PKHD1: variants seen among roughly 807,000 people sequenced by gnomAD.
PKHD1 encodes the protein PKHD1 ciliary IPT domain containing fibrocystin/polyductin, also known as fibrocystin.
A neutral mutation model predicts 412.0 loss-of-function variants in PKHD1; 291 were observed. The ratio of observed to expected loss-of-function variants is 0.71; its 90% CI spans 0.64 to 0.78. The LOEUF (loss-of-function observed/expected upper bound fraction) is 0.78, where lower values mean the gene tolerates loss of function less well. Among genes scored for constraint, PKHD1 ranks in the 30% least tolerant of loss-of-function variants. The probability of loss-of-function intolerance (pLI) is 0.00; values close to 1 mark genes in which losing one functional copy is unlikely to be tolerated. For synonymous variants in PKHD1, 1,777 were observed against 1,821.5 expected (o/e 0.98, Z 0.62); for missense variants, 4,825 against 4,950.7 (o/e 0.97, Z 0.76).
intron 52 of PKHD1, among the ~76,000 whole-genome samples, chr6:51,794,866 C>G (rs1179165898): frequency 1.3e-5 from 2 of 152,054 alleles, no homozygotes; most frequent in Non-Finnish European, 2.9e-5. Context: ...TCTTTCTGTT[C>G]CATTGGTCTA....
intron 42 of PKHD1, 105 bp downstream of exon 42, chr6:51,903,881 A>C (rs1368279143): frequency 3.2e-6 from 2 of 626,172 alleles, no homozygotes; most frequent in Non-Finnish European, 5.3e-6. Flanking sequence ...TTTAGTATGC[A>C]CAATAAACTT....
intron 35 of PKHD1, among the ~76,000 whole-genome samples, chr6:51,964,048 A>G (rs534764300): frequency 4.6e-5 from 7 of 152,188 alleles, no homozygotes; most frequent in South Asian, 2.1e-4. Flanking sequence ...CTAGCCCCAA[A>G]TAAACCCCAA....
intron 35 of PKHD1, among the ~76,000 whole-genome samples, chr6:51,989,935 A>AGAAGGAAG (rs1562072969): frequency 3.4e-4 from 8 of 23,324 alleles, no homozygotes; most frequent in African/African-American, 1.3e-3. Flanking sequence ...AAGGAAGGAA[A>AGAAGGAAG]GAAGGAAGGA....
At chr6:51,862,309 C>A (rs1279124929) in intron 48 of PKHD1, among the ~76,000 whole-genome samples, 6 of 152,128 alleles carry the variant, frequency 3.9e-5, no homozygotes, top group Non-Finnish European at 7.4e-5. Flanking sequence ...CCACTGCAAC[C>A]TTTTATTATT....
At chr6:51,863,766 A>C (rs1774590135) in intron 48 of PKHD1, among the ~76,000 whole-genome samples, 1 of 152,190 alleles carries the variant, frequency 6.6e-6, no homozygotes, top group African/African-American at 2.4e-5. Flanking sequence ...AGAAAAGCCG[A>C]ATGCTGTGGA....
intron 35 of PKHD1, among the ~76,000 whole-genome samples, chr6:51,998,026 G>A (rs1797901754): frequency 6.6e-6 from 1 of 152,196 alleles, no homozygotes; most frequent in Non-Finnish European, 1.5e-5. Flanking sequence ...GTTAAAAATG[G>A]TGTCATCAGT....
rs574963733 is a variant in PKHD1 at position 51,950,210 on chromosome 6, G to GAAAA, written c.5908+9656_5908+9659dup. Among the ~76,000 whole-genome samples the GAAAA allele has an allele frequency of 5.9e-3, 669 of 113,044 alleles. 10 individuals are homozygous for GAAAA. Among genetic ancestry groups the GAAAA allele is most frequent in the African/African-American group, 0.021 (597 of 27,854 alleles). 74.2% of individuals were successfully genotyped at this position (113,044 alleles called of 152,430 possible). A position where few individuals can be genotyped will look rare whatever the true frequency, so the allele number is the denominator to read the frequency against. ...ACTGCAGTCAAATGGGCAATATAGAGAAAAAAAAAAATATATATATATATA... is the reference window on the plus strand; with the variant it reads ...ACTGCAGTCAAATGGGCAATATAGAGAAAAAAAAAAAAAAATATATATATATATA... On this transcript the variant is annotated intron_variant, in intron 36 of 66. Coordinates refer to ENST00000371117, the MANE Select transcript of PKHD1 (RefSeq NM_138694.4).
intron 60 of PKHD1, among the ~76,000 whole-genome samples, chr6:51,692,340 CTT>C (rs963432935): frequency 6.6e-6 from 1 of 151,432 alleles, no homozygotes; most frequent in Non-Finnish European, 1.5e-5. Context: ...TATTTCCAAC[CTT>C]AATTGAGCCT....
At chr6:51,678,155 T>C (rs1776139692) in intron 60 of PKHD1, among the ~76,000 whole-genome samples, 1 of 152,146 alleles carries the variant, frequency 6.6e-6, no homozygotes, top group African/African-American at 2.4e-5. Flanking sequence ...GATCAGATTT[T>C]AAAGTCAGAG....
At position 51,748,117 on chromosome 6, in the gene PKHD1, T is replaced by C; in HGVS notation, c.9499A>G (p.Ile3167Val). 6.2e-7 allele frequency: 1 copy of C among 1,613,916 alleles called. No homozygotes were observed. Among genetic ancestry groups the C allele is most frequent in the Non-Finnish European group, 8.5e-7 (1 of 1,179,842 alleles). The change falls in exon 58 of 67, where the codon ATA becomes GTA. Residue 3167 changes from isoleucine to valine, a missense_variant. Coordinates refer to ENST00000371117, the MANE Select transcript of PKHD1 (RefSeq NM_138694.4). ...TTGTCTACCAGAGTAATGTTCTCTA[T>C]CTCCACGCTGTTCTCTACATGTAAC... ...AMLHVENSVEIENITLVDNTI... is the reference protein window; with the variant it reads ...AMLHVENSVEVENITLVDNTI...
chr6:51,975,626 T>TAAAAAAAAAAAAAAA (rs750698580), intron 35 of PKHD1: 13 of 128,440 alleles, frequency 1.0e-4, no homozygotes, highest in Non-Finnish European at 1.1e-4. Flanking sequence ...CTATCAGCCA[T>TAAAAAAAAAAAAAAA]AAAAAAAAAA....
rs7744463 is a variant in PKHD1, at chr6:51,721,035, T to C, written c.10156+23350A>G. 1,120 of 982,614 alleles carry C rather than the reference T, an allele frequency of 1.1e-3. 8 individuals carry two copies. In the African/African-American group the frequency reaches 0.017, roughly 15 times the overall value. The allele number at this position is 982,614 out of a possible 1,614,324, so 60.9% of individuals were successfully genotyped here. ...ATGATAACATGGGTAAGGGAAGTAT[T>C]TGAGGGTCAATAAGGCTCTGGGGGA... On this transcript the variant is annotated intron_variant, in intron 60 of 66. Coordinates refer to ENST00000371117, the MANE Select transcript of PKHD1 (RefSeq NM_138694.4).
At chr6:51,661,404 G>C (rs1242935932) in intron 60 of PKHD1, among the ~76,000 whole-genome samples, 2 of 151,950 alleles carry the variant, frequency 1.3e-5, no homozygotes, top group African/African-American at 4.8e-5. Flanking sequence ...TAGATGGAGG[G>C]GAATGGGTGG....
intron 36 of PKHD1, among the ~76,000 whole-genome samples, chr6:51,942,883 T>G (rs1788801161): frequency 6.6e-6 from 1 of 151,254 alleles, no homozygotes; most frequent in Non-Finnish European, 1.5e-5. Flanking sequence ...TCAGGCCCCC[T>G]CCCCTCCCTA....
intron 60 of PKHD1, among the ~76,000 whole-genome samples, chr6:51,733,998 G>T (rs1356826126): frequency 6.6e-6 from 1 of 152,172 alleles, no homozygotes; most frequent in Non-Finnish European, 1.5e-5. Context: ...CTACAATCTT[G>T]TCATTTCTTT....
In PKHD1 at chr6:51,948,989, T is replaced by C. The variant is rs570507959; in HGVS notation, c.5908+10881A>G. Among the ~76,000 whole-genome samples the C allele has an allele frequency of 2.2e-4, 34 of 152,216 alleles. No homozygotes were observed. The East Asian group carries it at 5.6e-3, about 25-fold the overall frequency. On this transcript the variant is annotated intron_variant, in intron 36 of 66. Transcript: ENST00000371117. The stretch of plus-strand genomic sequence containing the variant: ...AGCATGTACAGAGTTAGGATGTGAA[T>C]GTCAGGTGATAAAATAAACCCAGGG...
chr6:51,789,505 T>C (rs1358276947), intron 53 of PKHD1, among the ~76,000 whole-genome samples: 1 of 152,118 alleles, frequency 6.6e-6, no homozygotes, highest in Non-Finnish European at 1.5e-5. Context: ...TCTTACATTG[T>C]TTATACAGGA....
intron 60 of PKHD1, among the ~76,000 whole-genome samples, chr6:51,734,945 A>AG (rs1201725740): frequency 6.6e-6 from 1 of 152,210 alleles, no homozygotes; most frequent in Non-Finnish European, 1.5e-5. Context: ...TGGTATCTGT[A>AG]GGGGTCCTAG....
At chr6:51,756,347 C>T (rs1288080946) in intron 55 of PKHD1, among the ~76,000 whole-genome samples, 1 of 152,072 alleles carries the variant, frequency 6.6e-6, no homozygotes, top group Non-Finnish European at 1.5e-5. Context: ...ATACATGGAG[C>T]CAGTGATTGA....
Sources: gnomAD v4.1 joint callset for allele counts (sites outside exome capture counted in the v4.1 genomes callset) on GRCh38, gnomAD v4.1.1 for gene constraint, MANE v1.5 for transcripts, NCBI Gene and HGNC (gene_info 2026-07-23, HGNC 2026-07-21) for gene names.